SUGCT: variants seen among roughly 807,000 people sequenced by gnomAD.
The protein encoded by SUGCT is succinyl-CoA:glutarate CoA-transferase.
A neutral mutation model predicts 55.0 loss-of-function variants in SUGCT; 41 were observed. The ratio of observed to expected loss-of-function variants is 0.74; its 90% CI spans 0.58 to 0.97. The LOEUF is 0.97. Ranked by LOEUF, SUGCT falls within the 50% of genes least tolerant of loss-of-function variation. The pLI, the probability that SUGCT is intolerant of heterozygous loss-of-function variation, is 0.00. For synonymous variants in SUGCT, 187 were observed against 200.4 expected, an observed-to-expected ratio of 0.93 and a Z score of 0.56; for missense variants, 568 against 547.8, an observed-to-expected ratio of 1.04 and a Z score of -0.37.
chr7:40,727,342 G>A (rs1019254026), intron 12 of SUGCT, among the ~76,000 whole-genome samples: 1 of 152,166 alleles, frequency 6.6e-6, no homozygotes, highest in Non-Finnish European at 1.5e-5. Flanking sequence ...TTGATATAAA[G>A]CTGTAGCATT....
intron 1 of SUGCT, among the ~76,000 whole-genome samples, chr7:40,171,092 TTTGCCCACTA>T (rs1288281915): frequency 6.6e-6 from 1 of 152,222 alleles, no homozygotes; most frequent in Non-Finnish European, 1.5e-5. Flanking sequence ...AGATAGAGTT[TTTGCCCACTA>T]GGGCCTTTGT....
At chr7:40,666,181 C>T (rs1450791511) in intron 12 of SUGCT, among the ~76,000 whole-genome samples, 1 of 151,728 alleles carries the variant, frequency 6.6e-6, no homozygotes, top group Non-Finnish European at 1.5e-5. Flanking sequence ...GAAACCCTGT[C>T]TCTACTAAAA....
rs1372310322 is a variant in SUGCT at position 40,531,974 on chromosome 7, A to G, written c.1089+35588A>G. On this transcript the variant is annotated intron_variant, in intron 12 of 13. Transcript: ENST00000335693. ...CAGGCGTGAGCCACCGCGCCCGGCC[A>G]TATATATTTTTATTCATTCAAAAAA... Among the ~76,000 whole-genome samples, 7 of 152,272 alleles carry G rather than the reference A, an allele frequency of 4.6e-5. No individual in the cohort carries two copies. The South Asian group carries it at 1.0e-3, about 23-fold the overall frequency.
chr7:40,836,022 A>G (rs990747955), intron 13 of SUGCT, among the ~76,000 whole-genome samples: 3 of 151,206 alleles, frequency 2.0e-5, no homozygotes, highest in Non-Finnish European at 2.9e-5. Flanking sequence ...CAGCTGGAGT[A>G]GCTGGGACTA....
intron 9 of SUGCT, among the ~76,000 whole-genome samples, chr7:40,418,370 C>T (rs1787124992): frequency 6.6e-6 from 1 of 152,182 alleles, no homozygotes; most frequent in Non-Finnish European, 1.5e-5. Flanking sequence ...CTTGCAGCTA[C>T]TCAGTGGAAT....
intron 13 of SUGCT, among the ~76,000 whole-genome samples, chr7:40,756,782 A>C (rs1332372719): frequency 6.6e-6 from 1 of 152,222 alleles, no homozygotes; most frequent in Non-Finnish European, 1.5e-5. Context: ...CCAGGTAGAA[A>C]GGCCTTTCAG....
At chr7:40,748,813 T>C (rs1787867702) in intron 12 of SUGCT, among the ~76,000 whole-genome samples, 2 of 152,274 alleles carry the variant, frequency 1.3e-5, no homozygotes, top group South Asian at 4.1e-4. Context: ...TTGGCCACCA[T>C]TGAAAATGTT....
intron 8 of SUGCT, among the ~76,000 whole-genome samples, chr7:40,280,210 G>A (rs1280433818): frequency 1.3e-5 from 2 of 152,108 alleles, no homozygotes; most frequent in Admixed American, 6.5e-5. Flanking sequence ...TTTGTAGTGG[G>A]CACCACAGTT....
chr7:40,769,016 C>A (rs1271277168), intron 13 of SUGCT, among the ~76,000 whole-genome samples: 1 of 151,998 alleles, frequency 6.6e-6, no homozygotes, highest in East Asian at 1.9e-4. Context: ...CTTGAGAGGG[C>A]AGAACTAGGG....
At chr7:41,030,116 C>T in the SUGCT span, among the ~76,000 whole-genome samples, 4 of 152,288 alleles carry the variant, frequency 2.6e-5, no homozygotes, top group East Asian at 7.7e-4. Flanking sequence ...TTGATTAATA[C>T]ACCATTGTAT....
intron 7 of SUGCT, among the ~76,000 whole-genome samples, chr7:40,273,339 C>T (rs935996571): frequency 6.6e-6 from 1 of 152,052 alleles, no homozygotes; most frequent in Non-Finnish European, 1.5e-5. Context: ...AAAAAAAGGA[C>T]AAATTAACTT....
intron 9 of SUGCT, among the ~76,000 whole-genome samples, chr7:40,330,765 T>A (rs1796267944): frequency 6.6e-6 from 1 of 152,174 alleles, no homozygotes; most frequent in African/African-American, 2.4e-5. Context: ...AATGGTTTTA[T>A]TGATGTAAAA....
At chr7:40,734,948 T>C (rs1179043553) in intron 12 of SUGCT, among the ~76,000 whole-genome samples, 1 of 152,114 alleles carries the variant, frequency 6.6e-6, no homozygotes, top group Non-Finnish European at 1.5e-5. Flanking sequence ...ATATAGTATA[T>C]ATACAACCTC....
intron 7 of SUGCT, among the ~76,000 whole-genome samples, chr7:40,251,425 C>T (rs1174065254): frequency 1.3e-5 from 2 of 152,150 alleles, no homozygotes; most frequent in African/African-American, 2.4e-5. Context: ...TTGCAGTTGA[C>T]TGAGATAAGG....
chr7:40,908,840 TACA>T, the SUGCT span, among the ~76,000 whole-genome samples: 3 of 152,140 alleles, frequency 2.0e-5, no homozygotes, highest in Non-Finnish European at 2.9e-5. Flanking sequence ...GTAAAGAAAA[TACA>T]ACAACTTACA....
intron 9 of SUGCT, among the ~76,000 whole-genome samples, chr7:40,443,140 A>G (rs998467945): frequency 9.2e-5 from 14 of 152,276 alleles, no homozygotes; most frequent in African/African-American, 3.1e-4. Context: ...CATTTGGGTT[A>G]GTTCCAAGTC....
At chr7:40,375,737 A>G (rs1784511292) in intron 9 of SUGCT, among the ~76,000 whole-genome samples, 1 of 152,214 alleles carries the variant, frequency 6.6e-6, no homozygotes, top group South Asian at 2.1e-4. Context: ...AATAAATTAT[A>G]GACATATAAA....
At chr7:40,136,401 C>A (rs1214556377) in intron 1 of SUGCT, among the ~76,000 whole-genome samples, 1 of 152,184 alleles carries the variant, frequency 6.6e-6, no homozygotes, top group Non-Finnish European at 1.5e-5. Context: ...TGCTACTCCT[C>A]GCTGTCTCTT....
intron 9 of SUGCT, among the ~76,000 whole-genome samples, chr7:40,439,070 A>ATATGTGTG (rs1554338605): frequency 1.9e-5 from 1 of 52,480 alleles, no homozygotes; most frequent in African/African-American, 9.0e-5. Flanking sequence ...TGGTGTATAT[A>ATATGTGTG]TATATATATA....
Sources: allele counts gnomAD v4.1 joint callset (sites outside exome capture counted in the v4.1 genomes callset), GRCh38; gene constraint gnomAD v4.1.1; transcripts MANE v1.5; gene names NCBI Gene and HGNC (gene_info 2026-07-23, HGNC 2026-07-21).